NAIF1: variants seen among roughly 807,000 people sequenced by gnomAD.
NAIF1 encodes the protein nuclear apoptosis-inducing factor 1.
Under a neutral mutation model 20.7 loss-of-function variants are expected in NAIF1, and 14 were observed. That is an observed-to-expected ratio of 0.67 (90% CI 0.45 to 1.05). NAIF1 has a LOEUF of 1.05. Ranked by LOEUF, NAIF1 falls within the 50% of genes least tolerant of loss-of-function variation. The pLI, the probability that NAIF1 is intolerant of heterozygous loss-of-function variation, is 0.00. For missense variants in NAIF1, 362 were observed against 448.8 expected, an observed-to-expected ratio of 0.81 and a Z score of 1.75; for synonymous variants, 191 against 191.4, an observed-to-expected ratio of 1.00 and a Z score of 0.02.
chr9:128,063,748 T>C lies in NAIF1; in HGVS notation c.664A>G (p.Ile222Val). Residue 222 changes from isoleucine (I) to valine (V), a missense_variant, in exon 2 of 2, where the codon ATT (isoleucine) becomes GTT (valine). Physicochemically the swap from Ile to Val is conservative, Grantham distance 29. This residue lies in a region of NAIF1 where 300 missense variants were observed against 342.7 expected (regional missense o/e 0.88). Transcript: ENST00000373078. The surrounding 1 kb of genome is among the most constrained non-coding windows in gnomAD (Gnocchi z 4.3). ...ATCAGCTTGGCGGAGTTGAGAGCAA[T>C]GCGGCTCTTGAGCGCTTGCGGCTTG... ...SVKPQALKSR[I>V]ALNSAKLIQE... 1 of 1,614,184 alleles carries C rather than the reference T, an allele frequency of 6.2e-7. No homozygotes were observed. The highest frequency in any genetic ancestry group is 1.1e-5 in the South Asian group (1 of 91,088).
intron 1 of NAIF1, among the ~76,000 whole-genome samples, chr9:128,064,973 A>AAAAGAAAG (rs59813204): frequency 3.4e-4 from 51 of 149,574 alleles, no homozygotes; most frequent in East Asian, 6.0e-4. Flanking sequence ...TCCATCTCAT[A>AAAAGAAAG]AAAGAAAGAA....
chr9:128,066,836 G>T lies in NAIF1; in HGVS notation c.266C>A (p.Ala89Asp). 1 of 1,611,894 alleles carries T rather than the reference G, an allele frequency of 6.2e-7. No individual in the cohort carries two copies. ...CCCCGGCGCCTCACCACCCTCCACG[G>T]CGGCCCGGACCTGGGCAACCTTGCG... ...VRRKVAQVRA[A>D]VEGGEAPGPT... The change falls in exon 1 of 2, where the codon GCC becomes GAC. Residue 89 changes from alanine (A) to aspartate (D), a missense_variant. By Grantham distance (126) the Ala-to-Asp change is moderately radical. This residue lies in a region of NAIF1 where 300 missense variants were observed against 342.7 expected (regional missense o/e 0.88). Transcript: ENST00000373078.
At position 128,067,097 on chromosome 9, in the gene NAIF1, G is replaced by A; in HGVS notation, c.5C>T (p.Ala2Val). ...CATCTTCCTTTTCTTGGCTGGGACGGCCATGGCCTCTCCCCTCCCCTCTTT... is the reference window on the plus strand; with the variant it reads ...CATCTTCCTTTTCTTGGCTGGGACGACCATGGCCTCTCCCCTCCCCTCTTT... M[A>V]VPAKKRKMNF... The change falls in exon 1 of 2, where the codon GCC (alanine) becomes GTC (valine). Residue 2 changes from alanine (A) to valine (V), a missense_variant. This residue lies in a region of NAIF1 where 51 missense variants were observed against 68.7 expected (regional missense o/e 0.74). Coordinates refer to ENST00000373078, the MANE Select transcript of NAIF1 (RefSeq NM_197956.4). The A allele has an allele frequency of 6.3e-7, 1 of 1,593,514 alleles. No homozygotes were observed.
At chr9:128,066,282 G>T in intron 1 of NAIF1, 1 of 339,756 alleles carries the variant, frequency 2.9e-6, no homozygotes. Context: ...AAGTCCTGTG[G>T]GGATACAGAC....
Position 128,066,819 on chromosome 9 carries a change from C to T in NAIF1, c.283G>A (p.Ala95Thr). The change falls in exon 1 of 2, where the codon GCG (alanine) becomes ACG (threonine). Residue 95 changes from alanine to threonine, a missense_variant. Transcript: ENST00000373078. ...QVRAAVEGGEAPGPTEEDGAG... is the reference protein window; with the variant it reads ...QVRAAVEGGETPGPTEEDGAG... The stretch of plus-strand genomic sequence containing the variant: ...CCGTCCTCCTCAGTGGGCCCCGGCG[C>T]CTCACCACCCTCCACGGCGGCCCGG... 2.5e-6 allele frequency: 4 copies of T among 1,611,430 alleles called. No individual in the cohort carries two copies. Among genetic ancestry groups the T allele is most frequent in the Non-Finnish European group, 3.4e-6 (4 of 1,179,012 alleles).
Position 128,063,978 on chromosome 9 carries a change from A to T in NAIF1, c.512-78T>A. 2 of 1,304,058 alleles carry T rather than the reference A, an allele frequency of 1.5e-6. No individual in the cohort carries two copies. Among genetic ancestry groups the T allele is most frequent in the Non-Finnish European group, 2.1e-6 (2 of 944,680 alleles). The allele number at this position is 1,304,058 out of a possible 1,614,324, so 80.8% of individuals were successfully genotyped here. A position where few individuals can be genotyped will look rare whatever the true frequency, so the allele number is the denominator to read the frequency against. On this transcript the variant is annotated intron_variant, in intron 1 of 1. Transcript: ENST00000373078. The surrounding 1 kb of genome is among the most constrained non-coding windows in gnomAD (Gnocchi z 4.3). ...AAGCTGGCTGTATGGGGTGGGGAGG[A>T]GGCCATAAAGTCCTGTCCTGGAGGG...
Position 128,063,432 on chromosome 9 carries a change from T to C in NAIF1, c.980A>G (p.Gln327Arg), listed in dbSNP as rs1832740898. The C allele has an allele frequency of 1.2e-6, 2 of 1,605,714 alleles. No homozygotes were observed. The highest frequency in any genetic ancestry group is 1.7e-6 in the Non-Finnish European group (2 of 1,178,684). The change falls in exon 2 of 2, where the codon CAG becomes CGG. Residue 327 changes from glutamine (Q) to arginine (R), a missense_variant. Physicochemically the swap from Gln to Arg is conservative, Grantham distance 43. Transcript: ENST00000373078. The surrounding 1 kb of genome is among the most constrained non-coding windows in gnomAD (Gnocchi z 4.3). ...AQNGQPDSII[Q>R] ...AGGCTGGCCTGACCCCTGCCCTCACTGGATGATGCTGTCTGGCTGCCCATT... is the reference window on the plus strand; with the variant it reads ...AGGCTGGCCTGACCCCTGCCCTCACCGGATGATGCTGTCTGGCTGCCCATT...
At chr9:128,065,429 T>C (rs927315756) in intron 1 of NAIF1, among the ~76,000 whole-genome samples, 1 of 152,174 alleles carries the variant, frequency 6.6e-6, no homozygotes, top group African/African-American at 2.4e-5. Flanking sequence ...TGATGCTTTC[T>C]TGACTTGACT....
In NAIF1 at chr9:128,066,839, G is replaced by T; in HGVS notation, c.263C>A (p.Ala88Asp). Reference protein sequence around the residue: ...EVRRKVAQVRAAVEGGEAPGP... With the variant: ...EVRRKVAQVRDAVEGGEAPGP... ...CGGCGCCTCACCACCCTCCACGGCG[G>T]CCCGGACCTGGGCAACCTTGCGACG... Residue 88 changes from alanine to aspartate, a missense_variant, in exon 1 of 2, where the codon GCC (alanine) becomes GAC (aspartate). Ala to Asp is a moderately radical substitution (Grantham distance 126). This residue lies in a region of NAIF1 where 300 missense variants were observed against 342.7 expected (regional missense o/e 0.88). Coordinates refer to ENST00000373078, the MANE Select transcript of NAIF1 (RefSeq NM_197956.4). 6.2e-7 allele frequency: 1 copy of T among 1,612,044 alleles called. No homozygotes were observed. The highest frequency in any genetic ancestry group is 8.5e-7 in the Non-Finnish European group (1 of 1,179,622).
Position 128,063,619 on chromosome 9 carries a change from C to T in NAIF1, c.793G>A (p.Ala265Thr), listed in dbSNP as rs1478438160. ...QMIRRSQEVQ[A>T]CAQERQAQAM... The stretch of plus-strand genomic sequence containing the variant: ...TGGGCCTGGCGCTCCTGGGCACAGG[C>T]CTGCACTTCCTGGGAGCGGCGGATC... Residue 265 changes from alanine (A) to threonine (T), a missense_variant, in exon 2 of 2, where the codon GCC (alanine) becomes ACC (threonine). Ala to Thr is a moderately conservative substitution (Grantham distance 58). Around this residue, in one of 3 missense-constraint regions of NAIF1, gnomAD observed 300 missense variants for 342.7 expected, o/e 0.88. Transcript: ENST00000373078. This position sits in a 1 kb window ranked among gnomAD's most constrained non-coding sequence, Gnocchi z 4.3. 3 of 1,613,744 alleles carry T rather than the reference C, an allele frequency of 1.9e-6. No homozygotes were observed. The highest frequency in any genetic ancestry group is 2.2e-5 in the South Asian group (2 of 91,090).
At position 128,062,044 on chromosome 9, in the gene NAIF1, T is replaced by C. The variant is rs1832723756; in HGVS notation, c.*1384A>G. 1 of 151,898 alleles carries C rather than the reference T, an allele frequency of 6.6e-6. No individual in the cohort carries two copies. The highest frequency in any genetic ancestry group is 6.6e-5 in the Admixed American group (1 of 15,214). The allele number at this position is 151,898 out of a possible 1,614,324, so 9.4% of individuals were successfully genotyped here. On this transcript the variant is annotated 3_prime_UTR_variant, in exon 2 of 2. Coordinates refer to ENST00000373078, the MANE Select transcript of NAIF1 (RefSeq NM_197956.4). ...GTCTCGCTCTGTCGCCAGGCTGGAG[T>C]GCAGCGGTGCAATCTCGGCTCACTG...
rs531670990 is a variant in NAIF1, at chr9:128,067,206, G to C, written c.-105C>G. On this transcript the variant is annotated 5_prime_UTR_variant, in exon 1 of 2. It adds an upstream start codon to the 5' untranslated region. Coordinates refer to ENST00000373078, the MANE Select transcript of NAIF1 (RefSeq NM_197956.4). ...CGCCCCTCACCCACCCCCTACAGGG[G>C]ATAGGCCAGGCTTGCTCGAGGCCAA... 1 of 1,399,148 alleles carries C rather than the reference G, an allele frequency of 7.1e-7. No homozygotes were observed. The highest frequency in any genetic ancestry group is 2.3e-5 in the East Asian group (1 of 43,366). The allele number at this position is 1,399,148 out of a possible 1,614,324, so 86.7% of individuals were successfully genotyped here. A position where few individuals can be genotyped will look rare whatever the true frequency, so the allele number is the denominator to read the frequency against.
Position 128,063,947 on chromosome 9 carries a change from G to C in NAIF1, c.512-47C>G, listed in dbSNP as rs761397107. On this transcript the variant is annotated intron_variant, in intron 1 of 1. Transcript: ENST00000373078. This position sits in a 1 kb window ranked among gnomAD's most constrained non-coding sequence, Gnocchi z 4.3. Reference sequence around the variant, plus strand: ...GGCCAAGGGAGGTCACTTTCTGGAAGGAATAAAGCTGGCTGTATGGGGTGG... The same window carrying C: ...GGCCAAGGGAGGTCACTTTCTGGAACGAATAAAGCTGGCTGTATGGGGTGG... 13 of 1,552,496 alleles carry C rather than the reference G, an allele frequency of 8.4e-6. No homozygotes were observed. The Admixed American group carries it at 2.2e-4, about 27-fold the overall frequency.
intron 1 of NAIF1, among the ~76,000 whole-genome samples, chr9:128,064,834 C>T (rs936565691): frequency 6.6e-6 from 1 of 152,114 alleles, no homozygotes; most frequent in African/African-American, 2.4e-5. Context: ...GAAACCTCGT[C>T]TCTATTAAAA....
At chr9:128,066,076 T>C (rs1832773765) in intron 1 of NAIF1, 1 of 152,176 alleles carries the variant, frequency 6.6e-6, no homozygotes, top group South Asian at 2.1e-4. Flanking sequence ...TAAGTGCTAA[T>C]GTTTGATGAA....
Position 128,067,155 on chromosome 9 carries a change from A to G in NAIF1, c.-54T>C. The G allele has an allele frequency of 7.2e-6, 11 of 1,522,466 alleles. No homozygotes were observed. Among genetic ancestry groups the G allele is most frequent in the Non-Finnish European group, 8.8e-6 (10 of 1,133,552 alleles). 94.3% of individuals were successfully genotyped at this position (1,522,466 alleles called of 1,614,324 possible). A position where few individuals can be genotyped will look rare whatever the true frequency, so the allele number is the denominator to read the frequency against. On this transcript the variant is annotated 5_prime_UTR_variant, in exon 1 of 2. Transcript: ENST00000373078. Reference sequence around the variant, plus strand: ...AATTATAATCCCCTCAAGCGCCCCAATTCCCCTTCTCTTCTTCCTCAGCCT... The same window carrying G: ...AATTATAATCCCCTCAAGCGCCCCAGTTCCCCTTCTCTTCTTCCTCAGCCT...
intron 1 of NAIF1, among the ~76,000 whole-genome samples, 184 bp from the exon 2 acceptor site, chr9:128,064,084 T>G (rs986410867): frequency 1.6e-5 from 2 of 122,528 alleles, no homozygotes; most frequent in African/African-American, 3.8e-5. Flanking sequence ...CAGAATTTTT[T>G]TTTTTTTTTT....
At chr9:128,065,507 C>G (rs1832767687) in intron 1 of NAIF1, among the ~76,000 whole-genome samples, 1 of 152,160 alleles carries the variant, frequency 6.6e-6, no homozygotes, top group African/African-American at 2.4e-5. Context: ...AGTACCCAGT[C>G]AATGTCTCCC....
chr9:128,062,578 G>T lies in NAIF1; in HGVS notation c.*850C>A, dbSNP rs76383977. The T allele has an allele frequency of 6.6e-6, 1 of 152,196 alleles. No homozygotes were observed. The highest frequency in any genetic ancestry group is 2.1e-4 in the South Asian group (1 of 4,836). 9.4% of individuals were successfully genotyped at this position (152,196 alleles called of 1,614,324 possible). A position where few individuals can be genotyped will look rare whatever the true frequency, so the allele number is the denominator to read the frequency against. On this transcript the variant is annotated 3_prime_UTR_variant, in exon 2 of 2. Coordinates refer to ENST00000373078, the MANE Select transcript of NAIF1 (RefSeq NM_197956.4). Reference sequence around the variant, plus strand: ...ACACACAGAATAAATACAACTGGCTGGATGCAAGCCTCCGCACAAAGCCAA... The same window carrying T: ...ACACACAGAATAAATACAACTGGCTTGATGCAAGCCTCCGCACAAAGCCAA...
Sources: gnomAD v4.1 joint callset for allele counts (sites outside exome capture counted in the v4.1 genomes callset) on GRCh38, gnomAD v4.1.1 for gene constraint, gnomAD v4.1.1 regional missense constraint, Gnocchi (gnomAD v3.1) non-coding constraint, MANE v1.5 for transcripts, NCBI Gene and HGNC (gene_info 2026-07-23, HGNC 2026-07-21) for gene names.